CACNB2: variants seen among roughly 807,000 people sequenced by gnomAD.
CACNB2 encodes calcium voltage-gated channel auxiliary subunit beta 2.
In CACNB2, 42 loss-of-function variants were observed where a neutral mutation model predicts 73.3. The observed-to-expected ratio is 0.57, with a 90% CI of 0.45 to 0.74. The LOEUF (loss-of-function observed/expected upper bound fraction) is 0.74. Ranked by LOEUF, CACNB2 falls within the 30% of genes least tolerant of loss-of-function variation. The pLI, the probability that CACNB2 is intolerant of heterozygous loss-of-function variation, is 0.00. For synonymous variants in CACNB2, 348 were observed against 310.3 expected (o/e 1.12, Z -1.28); for missense variants, 940 against 853.0 (o/e 1.10, Z -1.27).
chr10:18,514,230 A>G lies in CACNB2; in HGVS notation c.671-6A>G, dbSNP rs747804980. 1.9e-6 allele frequency: 3 copies of G among 1,613,848 alleles called. No homozygotes were observed. The highest frequency in any genetic ancestry group is 2.2e-5 in the East Asian group (1 of 44,876). On this transcript the variant is annotated splice_polypyrimidine_tract_variant and splice_region_variant and intron_variant, in intron 6 of 13. Coordinates refer to ENST00000324631, the MANE Select transcript of CACNB2 (RefSeq NM_201596.3). ...TCCACCTGATTTTTGAATTGTCTGT[A>G]TATAGCTATAGACATAGATGCTACT...
chr10:18,224,345 A>AG (rs1381966892), intron 2 of CACNB2: 1 of 151,696 alleles, frequency 6.6e-6, no homozygotes, highest in African/African-American at 2.4e-5. Context: ...CTTCAAAAAA[A>AG]AAAAAATTCC....
chr10:18,463,720 C>G (rs1013125834), intron 3 of CACNB2, among the ~76,000 whole-genome samples: 2 of 152,182 alleles, frequency 1.3e-5, no homozygotes, highest in South Asian at 4.1e-4. Context: ...TGGGAGCCAC[C>G]GTGCCTGGCC....
chr10:18,349,027 G>A (rs1481490847), intron 2 of CACNB2, among the ~76,000 whole-genome samples: 1 of 152,194 alleles, frequency 6.6e-6, no homozygotes, highest in Admixed American at 6.5e-5. Flanking sequence ...AGGCTGAGGT[G>A]AGAGATCACT....
At position 18,515,106 on chromosome 10, in the gene CACNB2, A is replaced by T; in HGVS notation, c.804+737A>T. On this transcript the variant is annotated intron_variant, in intron 7 of 13. Coordinates refer to ENST00000324631, the MANE Select transcript of CACNB2 (RefSeq NM_201596.3). The stretch of plus-strand genomic sequence containing the variant: ...TGTTCTTGCCTTCTCCATCAGTCAG[A>T]TTTTACCATCTCACCCTTTGGACAG... 3.1e-6 allele frequency: 4 copies of T among 1,301,832 alleles called. No individual in the cohort carries two copies. In the South Asian group the frequency reaches 3.6e-5, roughly 12 times the overall value. The allele number at this position is 1,301,832 out of a possible 1,614,324, so 80.6% of individuals were successfully genotyped here. A position where few individuals can be genotyped will look rare whatever the true frequency, so the allele number is the denominator to read the frequency against.
intron 3 of CACNB2, among the ~76,000 whole-genome samples, chr10:18,494,493 A>G (rs994156717): frequency 2.6e-5 from 4 of 151,944 alleles, no homozygotes; most frequent in Non-Finnish European, 4.4e-5. Flanking sequence ...TTAGCCGGGC[A>G]TGGTGGCGGG....
intron 12 of CACNB2, among the ~76,000 whole-genome samples, chr10:18,536,527 G>C (rs1309202668): frequency 8.6e-5 from 13 of 151,728 alleles, no homozygotes; most frequent in Admixed American, 3.3e-4. Context: ...CTTCCAAAGT[G>C]CTAGGATTAC....
chr10:18,242,095 G>GTA (rs921585300), intron 2 of CACNB2, among the ~76,000 whole-genome samples: 3 of 111,164 alleles, frequency 2.7e-5, no homozygotes, highest in African/African-American at 3.7e-5. Flanking sequence ...ATATGTGTGT[G>GTA]TATATATATG....
intron 3 of CACNB2, among the ~76,000 whole-genome samples, chr10:18,439,357 T>C (rs994628126): frequency 6.6e-6 from 1 of 152,212 alleles, no homozygotes; most frequent in African/African-American, 2.4e-5. Context: ...TTTCTGTTCC[T>C]GGTACAGCAG....
At chr10:18,461,127 C>A (rs1163705942) in intron 3 of CACNB2, among the ~76,000 whole-genome samples, 1 of 152,010 alleles carries the variant, frequency 6.6e-6, no homozygotes, top group African/African-American at 2.4e-5. Flanking sequence ...TGGGGTTTCT[C>A]CATGTTGATC....
chr10:18,537,640 G>A (rs931946702), intron 12 of CACNB2, among the ~76,000 whole-genome samples: 9 of 151,968 alleles, frequency 5.9e-5, no homozygotes, highest in Non-Finnish European at 1.0e-4. Context: ...AGCAGGGCTT[G>A]GTGGTAGGCA....
chr10:18,524,613 C>G (rs2052266675), intron 9 of CACNB2, among the ~76,000 whole-genome samples: 1 of 146,352 alleles, frequency 6.8e-6, no homozygotes, highest in African/African-American at 2.6e-5. Flanking sequence ...CAAGATCACA[C>G]CATTGCATTC....
Position 18,387,761 on chromosome 10 carries a change from T to TC in CACNB2, c.214-14163_214-14162insC, listed in dbSNP as rs201225215. 2.8e-3 allele frequency among the ~76,000 whole-genome samples: 387 copies of TC among 137,632 alleles called. 2 individuals carry two copies. Among genetic ancestry groups the TC allele is most frequent in the African/African-American group, 0.011 (379 of 35,460 alleles). The allele number at this position is 137,632 out of a possible 152,430, so 90.3% of individuals were successfully genotyped here. On this transcript the variant is annotated intron_variant, in intron 2 of 13. Coordinates refer to ENST00000324631, the MANE Select transcript of CACNB2 (RefSeq NM_201596.3). ...AGTCACCGAGCCATTTCTTTCTCTC[T>TC]TTTTTTTTTTTTAGCGACAGGCTCT...
chr10:18,286,622 G>C (rs1207891480), intron 2 of CACNB2, among the ~76,000 whole-genome samples: 2 of 146,386 alleles, frequency 1.4e-5, no homozygotes, highest in Non-Finnish European at 3.0e-5. Flanking sequence ...ATGTTTTTAT[G>C]CATTTTCCAT....
intron 2 of CACNB2, among the ~76,000 whole-genome samples, chr10:18,215,857 G>A (rs1006737310): frequency 2.0e-5 from 3 of 152,110 alleles, no homozygotes; most frequent in African/African-American, 7.2e-5. Context: ...TTTCAGTCTC[G>A]TGTTGGTGCC....
intron 3 of CACNB2, among the ~76,000 whole-genome samples, chr10:18,463,594 TG>T (rs142055587): frequency 0.53 from 69,324 of 129,634 alleles, 17,462 homozygotes; most frequent in Non-Finnish European, 0.63. Context: ...GTTTTTTTTT[TG>T]TTGTTTTTTG....
At chr10:18,200,986 G>T (rs1442009311) in intron 2 of CACNB2, among the ~76,000 whole-genome samples, 1 of 152,068 alleles carries the variant, frequency 6.6e-6, no homozygotes, top group Non-Finnish European at 1.5e-5. Context: ...GTAAGAATTT[G>T]GTTTCAATAG....
chr10:18,322,342 A>G (rs1031231046), intron 2 of CACNB2, among the ~76,000 whole-genome samples: 3 of 152,342 alleles, frequency 2.0e-5, no homozygotes, highest in South Asian at 4.1e-4. Flanking sequence ...CATGGATGAA[A>G]TCGCATGATT....
At chr10:18,228,567 C>A (rs1442554853) in intron 2 of CACNB2, among the ~76,000 whole-genome samples, 1 of 152,038 alleles carries the variant, frequency 6.6e-6, no homozygotes, top group African/African-American at 2.4e-5. Flanking sequence ...AAAAGACAAC[C>A]TCCTGTATTT....
At chr10:18,168,012 T>A (rs1048035305) in intron 2 of CACNB2, among the ~76,000 whole-genome samples, 1 of 152,194 alleles carries the variant, frequency 6.6e-6, no homozygotes. Context: ...CCACTTAGGA[T>A]AGAAACCTCT....
Sources: allele counts gnomAD v4.1 joint callset (sites outside exome capture counted in the v4.1 genomes callset), GRCh38; gene constraint gnomAD v4.1.1; transcripts MANE v1.5; gene names NCBI Gene and HGNC (gene_info 2026-07-23, HGNC 2026-07-21).